Variants in STXBP5L observed in about 807,000 individuals in gnomAD.
STXBP5L encodes syntaxin binding protein 5L.
A neutral mutation model predicts 144.5 loss-of-function variants in STXBP5L; 65 were observed. That is an observed-to-expected ratio of 0.45 (90% CI 0.37 to 0.55). The LOEUF (loss-of-function observed/expected upper bound fraction) is 0.55, where lower values mean the gene tolerates loss of function less well. STXBP5L is among the 20% of genes least tolerant of loss of function. STXBP5L has a pLI of 0.00. For missense variants in STXBP5L, 1,298 were observed against 1,405.5 expected, an observed-to-expected ratio of 0.92 and a Z score of 1.22; for synonymous variants, 505 against 469.6, an observed-to-expected ratio of 1.08 and a Z score of -0.97.
chr3:121,370,132 G>A lies in STXBP5L; in HGVS notation c.2177-8584G>A, dbSNP rs183438154. ...TGTAAATCCAGCACTTTGGGAGGTC[G>A]AGGCAGGTGGATCACTTGAGGTCAG... On this transcript the variant is annotated intron_variant, in intron 20 of 26. Transcript: ENST00000471454. Among the ~76,000 whole-genome samples the A allele has an allele frequency of 1.6e-3, 236 of 152,168 alleles. 1 individual carries two copies. The highest frequency in any genetic ancestry group is 5.5e-3 in the African/African-American group (227 of 41,538).
intron 3 of STXBP5L, among the ~76,000 whole-genome samples, chr3:120,994,106 A>G (rs559171001): frequency 2.0e-5 from 3 of 152,014 alleles, no homozygotes; most frequent in East Asian, 1.9e-4. Context: ...TAATTGATGT[A>G]TAGAAATGCT....
intron 20 of STXBP5L, among the ~76,000 whole-genome samples, chr3:121,374,031 C>CA (rs2108667260): frequency 6.6e-6 from 1 of 152,326 alleles, no homozygotes; most frequent in East Asian, 1.9e-4. Flanking sequence ...ATGTGCCCCC[C>CA]AGGGAACCAA....
At chr3:120,987,420 T>C (rs1942390750) in intron 3 of STXBP5L, among the ~76,000 whole-genome samples, 1 of 152,022 alleles carries the variant, frequency 6.6e-6, no homozygotes, top group South Asian at 2.1e-4. Context: ...ATATCTTCCT[T>C]GAAATATGTA....
chr3:120,984,025 G>A (rs1318016945), intron 3 of STXBP5L, among the ~76,000 whole-genome samples: 1 of 152,126 alleles, frequency 6.6e-6, no homozygotes, highest in African/African-American at 2.4e-5. Flanking sequence ...CAGTTGCTGT[G>A]ATCAGCATCC....
intron 18 of STXBP5L, among the ~76,000 whole-genome samples, chr3:121,264,045 T>G (rs1304983227): frequency 2.6e-5 from 4 of 152,080 alleles, no homozygotes; most frequent in Non-Finnish European, 4.4e-5. Context: ...GAAAACATGT[T>G]AAGGGCAGCC....
chr3:121,239,601 C>G (rs557335744), intron 13 of STXBP5L, among the ~76,000 whole-genome samples: 4 of 149,468 alleles, frequency 2.7e-5, no homozygotes, highest in Admixed American at 1.4e-4. Context: ...AGTAAACTAT[C>G]GCAAGAACAA....
intron 7 of STXBP5L, among the ~76,000 whole-genome samples, chr3:121,130,833 T>C (rs1355294202): frequency 2.0e-5 from 3 of 151,988 alleles, no homozygotes; most frequent in African/African-American, 4.8e-5. Flanking sequence ...CAAATCAAAA[T>C]AGGTGAACAT....
At chr3:121,213,234 C>T (rs2048647995) in intron 10 of STXBP5L, among the ~76,000 whole-genome samples, 2 of 152,178 alleles carry the variant, frequency 1.3e-5, no homozygotes, top group Non-Finnish European at 2.9e-5. Flanking sequence ...CTGGCCAAAA[C>T]TTCCAATACT....
chr3:120,952,858 G>C (rs1711357829), intron 2 of STXBP5L, among the ~76,000 whole-genome samples: 1 of 152,018 alleles, frequency 6.6e-6, no homozygotes, highest in Non-Finnish European at 1.5e-5. Flanking sequence ...GAGTACAGTG[G>C]TGTGATCATG....
At chr3:121,200,551 GT>G (rs2048100045) in intron 9 of STXBP5L, among the ~76,000 whole-genome samples, 1 of 151,934 alleles carries the variant, frequency 6.6e-6, no homozygotes, top group Non-Finnish European at 1.5e-5. Context: ...TTCTTCTCTA[GT>G]TTTTTTCATT....
chr3:121,186,816 C>A (rs1423467639), intron 9 of STXBP5L, among the ~76,000 whole-genome samples: 3 of 152,164 alleles, frequency 2.0e-5, no homozygotes, highest in African/African-American at 7.2e-5. Context: ...TGAAAAAATG[C>A]TCATCATCAC....
intron 20 of STXBP5L, among the ~76,000 whole-genome samples, chr3:121,358,984 G>A (rs1356747217): frequency 1.3e-5 from 2 of 152,064 alleles, no homozygotes; most frequent in Admixed American, 1.3e-4. Flanking sequence ...CCAATAGTAG[G>A]ATTGCTGGAT....
At chr3:121,067,793 T>A (rs1434018146) in intron 5 of STXBP5L, among the ~76,000 whole-genome samples, 1 of 152,234 alleles carries the variant, frequency 6.6e-6, no homozygotes, top group Admixed American at 6.5e-5. Flanking sequence ...GTTGGATGTA[T>A]ACATTTATTT....
chr3:121,000,690 C>A (rs527807673), intron 3 of STXBP5L, among the ~76,000 whole-genome samples: 1 of 152,152 alleles, frequency 6.6e-6, no homozygotes, highest in African/African-American at 2.4e-5. Flanking sequence ...GAAGGCACTC[C>A]GGATTTTACA....
intron 7 of STXBP5L, among the ~76,000 whole-genome samples, chr3:121,147,419 A>G (rs1421846513): frequency 2.0e-5 from 3 of 152,126 alleles, no homozygotes; most frequent in Admixed American, 6.6e-5. Context: ...CAAAATTGCA[A>G]TAACAATGTG....
intron 5 of STXBP5L, among the ~76,000 whole-genome samples, chr3:121,092,507 C>G (rs2042867709): frequency 6.6e-6 from 1 of 152,044 alleles, no homozygotes; most frequent in South Asian, 2.1e-4. Flanking sequence ...AGTTGGATTC[C>G]TAGGTATTTT....
intron 19 of STXBP5L, among the ~76,000 whole-genome samples, chr3:121,282,694 T>G (rs1374302662): frequency 1.3e-5 from 2 of 152,046 alleles, no homozygotes; most frequent in Non-Finnish European, 2.9e-5. Context: ...AATAAGTTAA[T>G]GCTTTCTTAT....
Position 121,255,088 on chromosome 3 carries a change from A to G in STXBP5L, c.1635A>G (p.Arg545=). The G allele has an allele frequency of 6.3e-7, 1 of 1,593,868 alleles. No homozygotes were observed. The highest frequency in any genetic ancestry group is 8.5e-7 in the Non-Finnish European group (1 of 1,171,430). ...SAYVIIYKFS[R]HEITTEIVSL... ...ATGTCATAATTTATAAATTCAGCAG[A>G]CATGAAATTACAACAGAAATAGTGG... The change falls in exon 16 of 27, where the codon AGA becomes AGG. Residue 545 remains arginine (R), a synonymous_variant. Transcript: ENST00000471454.
At chr3:121,133,237 C>T (rs1046042639) in intron 7 of STXBP5L, among the ~76,000 whole-genome samples, 1 of 152,034 alleles carries the variant, frequency 6.6e-6, no homozygotes, top group Non-Finnish European at 1.5e-5. Flanking sequence ...TGATTGAAAG[C>T]CTCTCAAATC....
Sources: gnomAD v4.1 joint callset for allele counts (sites outside exome capture counted in the v4.1 genomes callset) on GRCh38, gnomAD v4.1.1 for gene constraint, MANE v1.5 for transcripts, NCBI Gene and HGNC (gene_info 2026-07-23, HGNC 2026-07-21) for gene names.